Variants in FAM219B observed in about 807,000 individuals in gnomAD.
The protein encoded by FAM219B is protein FAM219B.
FAM219B carries 18 observed loss-of-function variants against 19.9 expected under a neutral mutation model. The observed-to-expected ratio is 0.91, with a 90% CI of 0.63 to 1.34. FAM219B has a LOEUF of 1.34. FAM219B is among the 40% of genes most tolerant of loss of function. FAM219B has a pLI of 0.00. For synonymous variants in FAM219B, 123 were observed against 117.5 expected, an observed-to-expected ratio of 1.05 and a Z score of -0.30; for missense variants, 283 against 270.5, an observed-to-expected ratio of 1.05 and a Z score of -0.32.
chr15:74,902,695 G>C lies in FAM219B; in HGVS notation c.521C>G (p.Pro174Arg), dbSNP rs535513975. The C allele has an allele frequency of 7.4e-6, 12 of 1,613,164 alleles. No homozygotes were observed. In the East Asian group the frequency reaches 2.2e-4, roughly 30 times the overall value. ...GCATGTTGAAGAGGCCATGGGCTTA[G>C]GGGGGATGAGGTCCAAGTCCTCGTC... ...PDDEDLDLIP[P>R]KPMASSTCSC... The change falls in exon 5 of 5, where the codon CCT (proline) becomes CGT (arginine). Residue 174 changes from proline (P) to arginine (R), a missense_variant. Pro to Arg is a moderately radical substitution (Grantham distance 103). Coordinates refer to ENST00000357635, the MANE Select transcript of FAM219B (RefSeq NM_020447.5).
At position 74,905,195 on chromosome 15, in the gene FAM219B, G is replaced by C. The variant is rs768698056; in HGVS notation, c.339C>G (p.Ser113Arg). 3.1e-6 allele frequency: 5 copies of C among 1,613,912 alleles called. No homozygotes were observed. The highest frequency in any genetic ancestry group is 4.2e-6 in the Non-Finnish European group (5 of 1,179,974). The change falls in exon 3 of 5, where the codon AGC becomes AGG. Residue 113 changes from serine to arginine, a missense_variant. Ser to Arg is a moderately radical substitution (Grantham distance 110). Coordinates refer to ENST00000357635, the MANE Select transcript of FAM219B (RefSeq NM_020447.5). Reference protein sequence around the residue: ...VKFNKGYTALSQSPDENLVSL... With the variant: ...VKFNKGYTALRQSPDENLVSL... The stretch of plus-strand genomic sequence containing the variant: ...ACACCAGGTTTTCATCTGGACTCTG[G>C]CTAAGAGCAGTATAGCCCTTGTTAA...
rs2064903498 is a variant in FAM219B, at chr15:74,900,373, TACA to T, written c.*2243_*2245del. On this transcript the variant is annotated 3_prime_UTR_variant, in exon 5 of 5. Coordinates refer to ENST00000357635, the MANE Select transcript of FAM219B (RefSeq NM_020447.5). The stretch of plus-strand genomic sequence containing the variant: ...AGCTGAATATGCCAGAGCTGATTAT[TACA>T]ACAACGATGCAGAGGGCCTTGGTTT... The T allele has an allele frequency of 6.6e-6, 1 of 152,254 alleles. No individual in the cohort carries two copies. Among genetic ancestry groups the T allele is most frequent in the Non-Finnish European group, 1.5e-5 (1 of 68,088 alleles). The allele number at this position is 152,254 out of a possible 1,614,324, so 9.4% of individuals were successfully genotyped here.
intron 4 of FAM219B, among the ~76,000 whole-genome samples, chr15:74,903,055 G>A (rs145245090): frequency 6.6e-6 from 1 of 152,260 alleles, no homozygotes; most frequent in Non-Finnish European, 1.5e-5. Context: ...TGTAAATATC[G>A]AGTTCCCAAT....
chr15:74,905,295 G>C (rs1263739281), intron 2 of FAM219B, 64 bp from the exon 3 acceptor site: 1 of 1,524,292 alleles, frequency 6.6e-7, no homozygotes, highest in African/African-American at 1.4e-5. Flanking sequence ...CACAGGGATA[G>C]GCAGAGTCCT....
In FAM219B at chr15:74,904,658, A is replaced by G. The variant is rs1466566468; in HGVS notation, c.429+6T>C. ...GGCCCTGCACAGAAAGGTGTTCTGG[A>G]CTTGCCTCTGCAGATGAATACCCGG... On this transcript the variant is annotated splice_donor_region_variant and intron_variant, in intron 4 of 4. Transcript: ENST00000357635. 1 of 1,614,094 alleles carries G rather than the reference A, an allele frequency of 6.2e-7. No homozygotes were observed. The highest frequency in any genetic ancestry group is 1.3e-5 in the African/African-American group (1 of 74,934).
intron 4 of FAM219B, 118 bp downstream of exon 4, chr15:74,904,546 G>C (rs935453611): frequency 7.2e-6 from 9 of 1,255,408 alleles, no homozygotes; most frequent in Non-Finnish European, 1.0e-5. Flanking sequence ...GAAGATCGTA[G>C]AACAGACCAG....
At chr15:74,904,939 C>G (rs964197879) in intron 3 of FAM219B, 1 of 1,522,000 alleles carries the variant, frequency 6.6e-7, no homozygotes, top group Non-Finnish European at 8.8e-7. Context: ...GCAGGATGAT[C>G]CCCCGGACAT....
downstream of FAM219B, chr15:74,898,213 G>C (rs886051486): frequency 1.9e-5 from 5 of 264,646 alleles, no homozygotes; most frequent in Non-Finnish European, 3.8e-5. Context: ...AGCAATTAAA[G>C]ATCACTTGTG....
chr15:74,905,413 T>C (rs2065146134), intron 2 of FAM219B, 182 bp from the exon 3 acceptor site: 1 of 569,102 alleles, frequency 1.8e-6, no homozygotes, highest in Non-Finnish European at 3.2e-6. Context: ...TCAGAATGTG[T>C]ATGTTCTCAT....
chr15:74,906,078 C>T, intron 2 of FAM219B, 200 bp downstream of exon 2: 2 of 598,634 alleles, frequency 3.3e-6, no homozygotes, highest in Non-Finnish European at 2.9e-6. Context: ...TCCCTTATTC[C>T]GAAGCCCTTT....
Position 74,902,410 on chromosome 15 carries a change from C to T in FAM219B, c.*209G>A. On this transcript the variant is annotated 3_prime_UTR_variant, in exon 5 of 5. Coordinates refer to ENST00000357635, the MANE Select transcript of FAM219B (RefSeq NM_020447.5). ...TAAAGTGACTTCTCCAAACTCTGCT[C>T]CAACAGCAGAGGAAAACTACAGAAT... is the stretch of plus-strand genomic sequence containing the variant. 2.3e-6 allele frequency: 1 copy of T among 425,594 alleles called. No individual in the cohort carries two copies. The highest frequency in any genetic ancestry group is 4.1e-6 in the Non-Finnish European group (1 of 246,730). The allele number at this position is 425,594 out of a possible 1,614,324, so 26.4% of individuals were successfully genotyped here.
intron 2 of FAM219B, chr15:74,906,049 G>A: frequency 1.8e-6 from 1 of 545,126 alleles, no homozygotes. Context: ...TAGTGAATGA[G>A]CCTGTGCACT....
At chr15:74,905,537 C>T (rs2065152999) in intron 2 of FAM219B, 11 of 295,442 alleles carry the variant, frequency 3.7e-5, no homozygotes, top group South Asian at 3.6e-4. Context: ...GATTTTCCTG[C>T]CTCAGCCTCT....
rs139036914 is a variant in FAM219B at position 74,902,299 on chromosome 15, A to G, written c.*320T>C. 2.7e-5 allele frequency: 11 copies of G among 402,090 alleles called. No homozygotes were observed. The East Asian group carries it at 3.2e-4, about 12-fold the overall frequency. The allele number at this position is 402,090 out of a possible 1,614,324, so 24.9% of individuals were successfully genotyped here. ...TTTGCCTCCCTGAAGCACTATGACA[A>G]ATACCAATCAAGCTGTCTGCAAGTG... On this transcript the variant is annotated 3_prime_UTR_variant, in exon 5 of 5. Coordinates refer to ENST00000357635, the MANE Select transcript of FAM219B (RefSeq NM_020447.5).
At position 74,901,282 on chromosome 15, in the gene FAM219B, C is replaced by T. The variant is rs7163332; in HGVS notation, c.*1337G>A. On this transcript the variant is annotated 3_prime_UTR_variant, in exon 5 of 5. Coordinates refer to ENST00000357635, the MANE Select transcript of FAM219B (RefSeq NM_020447.5). ...CTGTCTCCAACAAAACAAAGCAGAA[C>T]GCTCACCATGGTTCTGAGTTAAGCC... The T allele has an allele frequency of 0.086, 13,128 of 152,484 alleles. 1,051 individuals are homozygous for T. Among genetic ancestry groups the T allele is most frequent in the South Asian group, 0.36 (1,737 of 4,832 alleles). 9.4% of individuals were successfully genotyped at this position (152,484 alleles called of 1,614,324 possible).
chr15:74,905,177 G>A lies in FAM219B; in HGVS notation c.357C>T (p.Asn119=), dbSNP rs1029500711. The A allele has an allele frequency of 7.4e-6, 12 of 1,613,970 alleles. No individual in the cohort carries two copies. The African/African-American group carries it at 1.1e-4, about 14-fold the overall frequency. ...YTALSQSPDE[N]LVSLDSDSDG... is the part of the protein sequence containing the mutation. ...ACCTGTCAGAGTCGAGGGACACCAG[G>A]TTTTCATCTGGACTCTGGCTAAGAG... The change falls in exon 3 of 5, where the codon AAC becomes AAT. Residue 119 remains asparagine (N), a synonymous_variant. Coordinates refer to ENST00000357635, the MANE Select transcript of FAM219B (RefSeq NM_020447.5).
At chr15:74,906,190 G>T in intron 2 of FAM219B, 88 bp downstream of exon 2, 2 of 1,410,480 alleles carry the variant, frequency 1.4e-6, no homozygotes, top group African/African-American at 1.4e-5. Flanking sequence ...CGCTAGCTCG[G>T]CCTTAAACCA....
chr15:74,906,458 G>A, intron 1 of FAM219B, 93 bp from the exon 2 acceptor site: 1 of 1,542,390 alleles, frequency 6.5e-7, no homozygotes, highest in Non-Finnish European at 8.8e-7. Context: ...CGGATTTTGA[G>A]GGGCGAGAGC....
intron 4 of FAM219B, among the ~76,000 whole-genome samples, chr15:74,903,330 G>A (rs981087963): frequency 1.3e-5 from 2 of 152,288 alleles, no homozygotes; most frequent in South Asian, 4.1e-4. Context: ...GCTGGGCGTG[G>A]TGGCTCACGC....
Sources: allele counts gnomAD v4.1 joint callset (sites outside exome capture counted in the v4.1 genomes callset), GRCh38; gene constraint gnomAD v4.1.1; transcripts MANE v1.5; gene names NCBI Gene and HGNC (gene_info 2026-07-23, HGNC 2026-07-21).